IL4R: variants seen among roughly 807,000 people sequenced by gnomAD.
The protein encoded by IL4R is interleukin-4 receptor subunit alpha.
A neutral mutation model predicts 41.5 loss-of-function variants in IL4R; 17 were observed. The ratio of observed to expected loss-of-function variants is 0.41; its 90% CI spans 0.28 to 0.61. The LOEUF is 0.61. Among genes scored for constraint, IL4R ranks in the 20% least tolerant of loss-of-function variants. The pLI is 0.31. For synonymous variants in IL4R, 402 were observed against 422.9 expected (o/e 0.95, Z 0.61); for missense variants, 974 against 1,043.1 (o/e 0.93, Z 0.91).
At chr16:27,320,448 G>A (rs2084781948) in intron 1 of IL4R, among the ~76,000 whole-genome samples, 1 of 152,200 alleles carries the variant, frequency 6.6e-6, no homozygotes, top group African/African-American at 2.4e-5. Flanking sequence ...TGTGCTGGGT[G>A]CAGGAATGGA....
chr16:27,355,704 G>A lies in IL4R; in HGVS notation c.671-104G>A, dbSNP rs932649514. 35 of 725,060 alleles carry A rather than the reference G, an allele frequency of 4.8e-5. No individual in the cohort carries two copies. The Admixed American group carries it at 7.2e-4, about 15-fold the overall frequency. 44.9% of individuals were successfully genotyped at this position (725,060 alleles called of 1,614,324 possible). A position where few individuals can be genotyped will look rare whatever the true frequency, so the allele number is the denominator to read the frequency against. On this transcript the variant is annotated intron_variant, in intron 7 of 10. Transcript: ENST00000395762. ...GGGTGGTCGGCGGTCAGATCGTGGA[G>A]GGTCTCGGACGAGGGTCCTGACCCT...
At chr16:27,343,123 C>T (rs1055505870) in intron 4 of IL4R, among the ~76,000 whole-genome samples, 12 of 152,142 alleles carry the variant, frequency 7.9e-5, no homozygotes, top group Admixed American at 4.6e-4. Flanking sequence ...CAGGATGCTT[C>T]GTTACACTGG....
intron 1 of IL4R, among the ~76,000 whole-genome samples, chr16:27,324,914 C>T (rs187430412): frequency 6.6e-5 from 10 of 152,294 alleles, no homozygotes; most frequent in African/African-American, 1.2e-4. Context: ...CCTCTGTCCC[C>T]GCTCTCCCCA....
intron 6 of IL4R, among the ~76,000 whole-genome samples, chr16:27,349,199 G>T (rs769056585): frequency 6.6e-6 from 1 of 152,190 alleles, no homozygotes; most frequent in Non-Finnish European, 1.5e-5. Context: ...GACTAATGAG[G>T]GTTGGCCCTG....
rs146556487 is a variant in IL4R at position 27,333,426 on chromosome 16, C to G, written c.-19+3228C>G. On this transcript the variant is annotated intron_variant, in intron 2 of 10. Coordinates refer to ENST00000395762, the MANE Select transcript of IL4R (RefSeq NM_000418.4). ...AGATGAGATTGAAGGAACTGGTATA[C>G]TGGAATCCACGGTGGGCTCGGAAGC... Among the ~76,000 whole-genome samples, 4 of 152,126 alleles carry G rather than the reference C, an allele frequency of 2.6e-5. No homozygotes were observed. In the East Asian group the frequency reaches 7.7e-4, roughly 29 times the overall value.
chr16:27,337,436 T>G (rs370934956), intron 2 of IL4R, among the ~76,000 whole-genome samples: 2 of 152,130 alleles, frequency 1.3e-5, no homozygotes, highest in East Asian at 1.9e-4. Context: ...AAAGAACTAC[T>G]CACTAGCAGA....
intron 2 of IL4R, among the ~76,000 whole-genome samples, chr16:27,337,728 C>T (rs192747548): frequency 6.6e-5 from 10 of 151,728 alleles, no homozygotes; most frequent in Admixed American, 2.6e-4. Flanking sequence ...TACAGGCACG[C>T]GCCACTACCG....
At position 27,314,888 on chromosome 16, in the gene IL4R, A is replaced by G. The variant is rs1427460716; in HGVS notation, c.-152+868A>G. Among the ~76,000 whole-genome samples the G allele has an allele frequency of 2.0e-5, 3 of 152,090 alleles. No individual in the cohort carries two copies. The East Asian group carries it at 5.8e-4, about 29-fold the overall frequency. ...TATTTTATAAAGATGGTGTCTCACTATGTTGTCCAGGCTGGCCTCAAGTGA... is the reference window on the plus strand; with the variant it reads ...TATTTTATAAAGATGGTGTCTCACTGTGTTGTCCAGGCTGGCCTCAAGTGA... On this transcript the variant is annotated intron_variant, in intron 1 of 10. Coordinates refer to ENST00000395762, the MANE Select transcript of IL4R (RefSeq NM_000418.4).
chr16:27,344,767 C>A, intron 4 of IL4R, 102 bp from the exon 5 acceptor site: 1 of 1,195,282 alleles, frequency 8.4e-7, no homozygotes, highest in Non-Finnish European at 1.2e-6. Flanking sequence ...GATCGGGAAG[C>A]TGGAAGAGTC....
chr16:27,332,601 C>T (rs898310632), intron 2 of IL4R, among the ~76,000 whole-genome samples: 8 of 152,052 alleles, frequency 5.3e-5, no homozygotes, highest in Non-Finnish European at 1.2e-4. Context: ...TTATCAATTT[C>T]ATTGATCTTT....
At chr16:27,357,567 G>A (rs1386282670) in intron 8 of IL4R, among the ~76,000 whole-genome samples, 3 of 152,090 alleles carry the variant, frequency 2.0e-5, no homozygotes, top group South Asian at 2.1e-4. Context: ...GGGTTCAAGC[G>A]ATTCTCCTGC....
intron 1 of IL4R, among the ~76,000 whole-genome samples, chr16:27,318,232 G>A (rs1278029655): frequency 6.6e-6 from 1 of 152,188 alleles, no homozygotes; most frequent in Non-Finnish European, 1.5e-5. Flanking sequence ...TTCCCGCCCT[G>A]CATGATGGGC....
chr16:27,314,876 T>C (rs945946056), intron 1 of IL4R, among the ~76,000 whole-genome samples: 7 of 152,252 alleles, frequency 4.6e-5, no homozygotes, highest in Non-Finnish European at 5.9e-5. Flanking sequence ...TTTATAAAGA[T>C]GGTGTCTCAC....
chr16:27,323,681 G>C (rs35092916), intron 1 of IL4R, among the ~76,000 whole-genome samples: 15,995 of 151,604 alleles, frequency 0.11, 971 homozygotes, highest in Middle Eastern at 0.14. Context: ...TTAGAGATAG[G>C]GTCTCACTCT....
In IL4R at chr16:27,355,512, C is replaced by T. The variant is rs758936264; in HGVS notation, c.671-296C>T. The T allele has an allele frequency of 1.2e-4, 44 of 378,756 alleles. 3 individuals are homozygous for T. The highest frequency in any genetic ancestry group is 8.0e-4 in the South Asian group (33 of 41,116). 23.5% of individuals were successfully genotyped at this position (378,756 alleles called of 1,614,324 possible). A position where few individuals can be genotyped will look rare whatever the true frequency, so the allele number is the denominator to read the frequency against. On this transcript the variant is annotated intron_variant, in intron 7 of 10. Transcript: ENST00000395762. ...CTGTGTCACACAGCAAGGAGCCATC[C>T]GGCTCCTAAGTTGGTGCATTTGACT...
In IL4R at chr16:27,329,171, C is replaced by T. The variant is rs935583788; in HGVS notation, c.-151-895C>T. 5.3e-5 allele frequency among the ~76,000 whole-genome samples: 8 copies of T among 152,032 alleles called. No individual in the cohort carries two copies. The South Asian group carries it at 8.3e-4, about 16-fold the overall frequency. ...CTCTTGCCCTGGCTGTCACCATGTA[C>T]GCCTGCTCCCCTCTTGCCTTCCCCG... On this transcript the variant is annotated intron_variant, in intron 1 of 10. Transcript: ENST00000395762.
intron 3 of IL4R, 89 bp downstream of exon 3, chr16:27,340,362 C>A: frequency 1.1e-6 from 1 of 928,968 alleles, no homozygotes; most frequent in Non-Finnish European, 1.7e-6. Context: ...ATGGAGATTA[C>A]ACTGCAGTGG....
rs2086403398 is a variant in IL4R, at chr16:27,363,822, G to A, written c.2470G>A (p.Val824Ile). Residue 824 changes from valine (V) to isoleucine (I), a missense_variant, in exon 11 of 11, where the codon GTC becomes ATC. Val to Ile is a conservative substitution (Grantham distance 29, BLOSUM62 3). Coordinates refer to ENST00000395762, the MANE Select transcript of IL4R (RefSeq NM_000418.4). Reference sequence around the variant, plus strand: ...CTCCGTGGGACCCACATACATGAGGGTCTCTTAGGTGCATGTCCTCTTGTT... The same window carrying A: ...CTCCGTGGGACCCACATACATGAGGATCTCTTAGGTGCATGTCCTCTTGTT... The part of the protein sequence containing the change: ...FVSVGPTYMR[V>I]S 6.2e-7 allele frequency: 1 copy of A among 1,601,416 alleles called. No homozygotes were observed. The highest frequency in any genetic ancestry group is 1.1e-5 in the South Asian group (1 of 90,938).
rs994192168 is a variant in IL4R, at chr16:27,362,554, G to A, written c.1202G>A (p.Gly401Asp). 6.2e-7 allele frequency: 1 copy of A among 1,614,066 alleles called. No individual in the cohort carries two copies. Among genetic ancestry groups the A allele is most frequent in the Non-Finnish European group, 8.5e-7 (1 of 1,180,030 alleles). The change falls in exon 11 of 11, where the codon GGC becomes GAC. Residue 401 changes from glycine to aspartate, a missense_variant. Coordinates refer to ENST00000395762, the MANE Select transcript of IL4R (RefSeq NM_000418.4). ...GATGACTTCCAGGAGGGAAGGGAGGGCATTGTGGCCCGGCTAACAGAGAGC... is the reference window on the plus strand; with the variant it reads ...GATGACTTCCAGGAGGGAAGGGAGGACATTGTGGCCCGGCTAACAGAGAGC... ...SRDDFQEGRE[G>D]IVARLTESLF...
Sources: gnomAD v4.1 joint callset for allele counts (sites outside exome capture counted in the v4.1 genomes callset) on GRCh38, gnomAD v4.1.1 for gene constraint, MANE v1.5 for transcripts, NCBI Gene and HGNC (gene_info 2026-07-23, HGNC 2026-07-21) for gene names.